SYT1: variants seen among roughly 807,000 people sequenced by gnomAD.
SYT1 encodes synaptotagmin-1.
SYT1 carries 8 observed loss-of-function variants against 44.8 expected under a neutral mutation model. That is an observed-to-expected ratio of 0.18 (90% confidence interval 0.10 to 0.32). The LOEUF (loss-of-function observed/expected upper bound fraction) is 0.32, where lower values mean the gene tolerates loss of function less well. SYT1 is among the 10% of genes least tolerant of loss of function. SYT1 has a pLI of 1.00. For missense variants in SYT1, 286 were observed against 509.3 expected (o/e 0.56, Z 4.22); for synonymous variants, 154 against 188.8 (o/e 0.82, Z 1.51).
chr12:79,308,598 GAAAGAAAGAAAGAA>G (rs757329344), intron 8 of SYT1, among the ~76,000 whole-genome samples: 2,293 of 83,926 alleles, frequency 0.027, 29 homozygotes, highest in Middle Eastern at 0.066. Flanking sequence ...AAAGAAGAAA[GAAAGAAAGAAAGAA>G]AAAGAAAGAA....
intron 1 of SYT1, among the ~76,000 whole-genome samples, chr12:78,893,963 T>C (rs1875199434): frequency 6.6e-6 from 1 of 151,722 alleles, no homozygotes; most frequent in African/African-American, 2.4e-5. Context: ...GCAATGGATA[T>C]GTTTTATTTT....
At chr12:79,280,383 G>A (rs1878980531) in intron 4 of SYT1, among the ~76,000 whole-genome samples, 1 of 151,992 alleles carries the variant, frequency 6.6e-6, no homozygotes, top group African/African-American at 2.4e-5. Flanking sequence ...CAAAGCCGAT[G>A]AGAACATACA....
intron 3 of SYT1, among the ~76,000 whole-genome samples, chr12:79,124,980 T>C (rs1276852223): frequency 6.6e-6 from 1 of 152,112 alleles, no homozygotes; most frequent in Non-Finnish European, 1.5e-5. Flanking sequence ...AAAATTGGAA[T>C]GTCAAATTTT....
chr12:79,033,765 C>T (rs569014120), intron 2 of SYT1, among the ~76,000 whole-genome samples: 27 of 151,472 alleles, frequency 1.8e-4, no homozygotes, highest in African/African-American at 6.5e-4. Context: ...TAAAGAAATG[C>T]TGTCCATTTA....
chr12:79,354,739 GAAGTA>G (rs1371564779), intron 9 of SYT1, among the ~76,000 whole-genome samples: 3 of 152,124 alleles, frequency 2.0e-5, no homozygotes, highest in Admixed American at 1.3e-4. Context: ...GTGTTCTCTA[GAAGTA>G]TAGAGTATTT....
At chr12:79,283,985 G>C (rs2138821727) in intron 4 of SYT1, among the ~76,000 whole-genome samples, 1 of 151,840 alleles carries the variant, frequency 6.6e-6, no homozygotes, top group African/African-American at 2.4e-5. Context: ...TTTGAAGAGA[G>C]GTTAATTTTT....
rs569247101 is a variant in SYT1, at chr12:79,051,530, C to T, written c.-18+4168C>T. On this transcript the variant is annotated intron_variant, in intron 3 of 10. Coordinates refer to ENST00000261205, the MANE Select transcript of SYT1 (RefSeq NM_005639.3). ...ATGCACATTAAGTTTTCATGTGCAG[C>T]GAATCCATAGGAAAATGTGAGGACA... 5.9e-5 allele frequency among the ~76,000 whole-genome samples: 9 copies of T among 151,278 alleles called. 1 individual carries two copies. Among genetic ancestry groups the T allele is most frequent in the Middle Eastern group, 6.9e-3 (2 of 290 alleles).
At chr12:79,163,647 T>G (rs17005327) in intron 3 of SYT1, among the ~76,000 whole-genome samples, 12,530 of 152,120 alleles carry the variant, frequency 0.082, 676 homozygotes, top group African/African-American at 0.15. Flanking sequence ...CTCTTTCTAT[T>G]GCCGTTCTCG....
chr12:79,016,622 A>G (rs1479687767), intron 2 of SYT1, among the ~76,000 whole-genome samples: 1 of 152,082 alleles, frequency 6.6e-6, no homozygotes, highest in East Asian at 1.9e-4. Flanking sequence ...CAATTACAAA[A>G]TCCCTGAGCA....
intron 8 of SYT1, among the ~76,000 whole-genome samples, chr12:79,309,789 C>T (rs1880674106): frequency 6.6e-6 from 1 of 152,174 alleles, no homozygotes; most frequent in Non-Finnish European, 1.5e-5. Context: ...ACCTAAGGTA[C>T]TGTTAACATT....
intron 9 of SYT1, among the ~76,000 whole-genome samples, chr12:79,359,373 C>A (rs534528727): frequency 1.2e-4 from 18 of 152,282 alleles, no homozygotes; most frequent in African/African-American, 4.3e-4. Flanking sequence ...CTGTCCCTTT[C>A]ACTCTGTGTT....
chr12:78,949,141 A>G (rs1878827639), intron 1 of SYT1, among the ~76,000 whole-genome samples: 1 of 151,682 alleles, frequency 6.6e-6, no homozygotes, highest in South Asian at 2.1e-4. Flanking sequence ...ATAGGAAAGA[A>G]ATGGTATACC....
At chr12:79,107,742 A>G (rs1008311692) in intron 3 of SYT1, among the ~76,000 whole-genome samples, 2 of 152,012 alleles carry the variant, frequency 1.3e-5, no homozygotes, top group African/African-American at 2.4e-5. Context: ...TAAATAGCCT[A>G]AAAACCAGTA....
intron 8 of SYT1, among the ~76,000 whole-genome samples, chr12:79,311,074 G>A (rs1414858606): frequency 6.6e-6 from 1 of 152,202 alleles, no homozygotes; most frequent in Non-Finnish European, 1.5e-5. Flanking sequence ...GGTGAGAGAG[G>A]GCATCCCTGT....
chr12:79,446,723 G>C (rs559042619), intron 10 of SYT1, among the ~76,000 whole-genome samples: 5 of 152,176 alleles, frequency 3.3e-5, no homozygotes, highest in Admixed American at 1.3e-4. Flanking sequence ...GAGGACACTG[G>C]TTCCCTGTTC....
intron 4 of SYT1, among the ~76,000 whole-genome samples, chr12:79,229,927 C>T (rs934598962): frequency 2.0e-5 from 3 of 152,042 alleles, no homozygotes; most frequent in Admixed American, 2.0e-4. Flanking sequence ...TGGCACTGCT[C>T]CTACAACACA....
intron 8 of SYT1, among the ~76,000 whole-genome samples, chr12:79,348,998 G>GGAAAGAAA (rs71865653): frequency 0.036 from 4,530 of 125,302 alleles, 110 homozygotes; most frequent in Non-Finnish European, 0.051. Flanking sequence ...AAAGAGAGAA[G>GGAAAGAAA]GAAAGAAAGA....
chr12:79,096,561 G>A (rs1878144218), intron 3 of SYT1, among the ~76,000 whole-genome samples: 1 of 151,998 alleles, frequency 6.6e-6, no homozygotes. Flanking sequence ...CTGCAGAGAT[G>A]TTGTTTAGTT....
chr12:79,139,603 C>A (rs953664036), intron 3 of SYT1, among the ~76,000 whole-genome samples: 1 of 152,062 alleles, frequency 6.6e-6, no homozygotes, highest in African/African-American at 2.4e-5. Context: ...GTTAATGGTA[C>A]TTTTTGATAA....
Sources: allele counts gnomAD v4.1 joint callset (sites outside exome capture counted in the v4.1 genomes callset), GRCh38; gene constraint gnomAD v4.1.1; transcripts MANE v1.5; gene names NCBI Gene and HGNC (gene_info 2026-07-23, HGNC 2026-07-21).